The following CCSER1 variants were observed in gnomAD, a reference collection of about 807,000 sequenced individuals.
The protein encoded by CCSER1 is serine-rich coiled-coil domain-containing protein 1.
CCSER1 carries 41 observed loss-of-function variants against 82.0 expected under a neutral mutation model. The ratio of observed to expected loss-of-function variants is 0.50; its 90% CI spans 0.39 to 0.65. CCSER1 has a LOEUF of 0.65. Ranked by LOEUF, CCSER1 falls within the 30% of genes least tolerant of loss-of-function variation. The pLI, the probability that CCSER1 is intolerant of heterozygous loss-of-function variation, is 0.00. For synonymous variants in CCSER1, 414 were observed against 383.9 expected (o/e 1.08, Z -0.92); for missense variants, 1,119 against 1,064.2 (o/e 1.05, Z -0.72).
At chr4:91,474,959 G>A (rs1303197592) in intron 10 of CCSER1, among the ~76,000 whole-genome samples, 4 of 151,440 alleles carry the variant, frequency 2.6e-5, no homozygotes, top group African/African-American at 4.8e-5. Flanking sequence ...TATAAATTTT[G>A]TATAACATGT....
At chr4:90,932,116 C>T (rs1456793236) in intron 9 of CCSER1, among the ~76,000 whole-genome samples, 1 of 151,964 alleles carries the variant, frequency 6.6e-6, no homozygotes, top group Admixed American at 6.6e-5. Context: ...AATAAGAATA[C>T]CAGGAAATTT....
intron 10 of CCSER1, among the ~76,000 whole-genome samples, chr4:91,166,716 G>A (rs1732119212): frequency 6.9e-6 from 1 of 144,824 alleles, no homozygotes; most frequent in East Asian, 1.9e-4. Context: ...TAGTGAAAAT[G>A]TAGTTGTTGT....
intron 10 of CCSER1, among the ~76,000 whole-genome samples, chr4:91,119,368 A>T (rs1363228265): frequency 1.3e-5 from 2 of 151,972 alleles, no homozygotes; most frequent in Non-Finnish European, 1.5e-5. Flanking sequence ...TATATATATA[A>T]AATATATCTA....
At chr4:91,147,618 G>T (rs1729677127) in intron 10 of CCSER1, among the ~76,000 whole-genome samples, 1 of 152,204 alleles carries the variant, frequency 6.6e-6, no homozygotes, top group South Asian at 2.1e-4. Context: ...TTGGAGCCAG[G>T]TCTACAGTTT....
chr4:90,399,966 T>G (rs1752575645), intron 3 of CCSER1, 70 bp from the exon 4 acceptor site: 2 of 778,678 alleles, frequency 2.6e-6, no homozygotes, highest in Admixed American at 4.9e-5. Context: ...CTTCACGGCT[T>G]CCACATATGA....
Position 91,176,326 on chromosome 4 carries a change from T to G in CCSER1, c.2217+90332T>G, listed in dbSNP as rs561234025. Among the ~76,000 whole-genome samples the G allele has an allele frequency of 4.6e-5, 7 of 152,334 alleles. No individual in the cohort carries two copies. The East Asian group carries it at 1.2e-3, about 25-fold the overall frequency. ...ATGTGGTCTCTTTTTTGGTTCCATA[T>G]GTACTTTGAAGTATTTTTTTCCAAT... On this transcript the variant is annotated intron_variant, in intron 10 of 10. Transcript: ENST00000509176.
Position 91,598,711 on chromosome 4 carries a change from CAA to C in CCSER1, c.2358_2359del (p.Cys789PhefsTer3). On this transcript the variant is annotated frameshift_variant, in exon 11 of 11. Transcript: ENST00000509176. LOFTEE classifies it high-confidence loss of function. The stretch of plus-strand genomic sequence containing the variant: ...TACAAAAACAAGACCTGTCAACTCC[CAA>C]GTCTCTGTTTAAGTAATTTCCTGAA... 6.4e-7 allele frequency: 1 copy of C among 1,551,496 alleles called. No individual in the cohort carries two copies. The highest frequency in any genetic ancestry group is 8.7e-7 in the Non-Finnish European group (1 of 1,146,916).
At chr4:90,505,186 G>T (rs1185835719) in intron 5 of CCSER1, among the ~76,000 whole-genome samples, 1 of 152,194 alleles carries the variant, frequency 6.6e-6, no homozygotes, top group Non-Finnish European at 1.5e-5. Context: ...CCAGTTATTA[G>T]AAATGAACGA....
intron 5 of CCSER1, among the ~76,000 whole-genome samples, chr4:90,479,358 T>A (rs1765558786): frequency 6.6e-6 from 1 of 152,160 alleles, no homozygotes; most frequent in South Asian, 2.1e-4. Context: ...ATTAGTGTCA[T>A]TATTCATTTT....
chr4:90,710,596 C>A (rs913919491), intron 6 of CCSER1, among the ~76,000 whole-genome samples: 1 of 152,060 alleles, frequency 6.6e-6, no homozygotes, highest in Non-Finnish European at 1.5e-5. Flanking sequence ...AGTCCTTTCC[C>A]CATTACTTGT....
chr4:90,612,879 G>A (rs1720517952), intron 5 of CCSER1, among the ~76,000 whole-genome samples: 2 of 152,158 alleles, frequency 1.3e-5, no homozygotes, highest in Non-Finnish European at 2.9e-5. Context: ...GGTCAGAGTG[G>A]TGAGGGCCAG....
At chr4:90,966,603 T>G (rs1336223406) in intron 9 of CCSER1, among the ~76,000 whole-genome samples, 2 of 152,116 alleles carry the variant, frequency 1.3e-5, no homozygotes, top group African/African-American at 4.8e-5. Flanking sequence ...AGAAAGTCCT[T>G]CAGACTGAAA....
At chr4:90,551,006 A>G (rs1777410586) in intron 5 of CCSER1, among the ~76,000 whole-genome samples, 1 of 152,166 alleles carries the variant, frequency 6.6e-6, no homozygotes, top group Non-Finnish European at 1.5e-5. Flanking sequence ...GATCATCATC[A>G]TAAGTGTGAC....
At chr4:90,574,467 A>C (rs1579248610) in intron 5 of CCSER1, among the ~76,000 whole-genome samples, 1 of 150,348 alleles carries the variant, frequency 6.7e-6, no homozygotes, top group Non-Finnish European at 1.5e-5. Context: ...ACGGGGTTTC[A>C]CCTTGTTAGC....
chr4:90,359,871 ATATGTGTG>A (rs1745009870), intron 3 of CCSER1, among the ~76,000 whole-genome samples: 1 of 111,852 alleles, frequency 8.9e-6, no homozygotes, highest in African/African-American at 3.9e-5. Context: ...ATGTGTATAT[ATATGTGTG>A]TATATATATG....
At chr4:91,119,121 C>T (rs992255628) in intron 10 of CCSER1, among the ~76,000 whole-genome samples, 1 of 152,136 alleles carries the variant, frequency 6.6e-6, no homozygotes, top group African/African-American at 2.4e-5. Context: ...TCCCATAATA[C>T]ATTTGCCCTG....
intron 10 of CCSER1, among the ~76,000 whole-genome samples, chr4:91,166,337 G>A (rs1732073167): frequency 1.3e-5 from 2 of 152,110 alleles, no homozygotes; most frequent in South Asian, 2.1e-4. Context: ...CTATGTGTCA[G>A]TCACTGTACT....
intron 9 of CCSER1, 192 bp downstream of exon 9, chr4:90,923,639 CATACCA>C (rs778439667): frequency 2.3e-5 from 11 of 480,292 alleles, no homozygotes; most frequent in Admixed American, 3.6e-5. Context: ...CACCAACTGG[CATACCA>C]ATGCCTTATT....
At chr4:91,294,107 G>T (rs1361941232) in intron 10 of CCSER1, among the ~76,000 whole-genome samples, 1 of 151,846 alleles carries the variant, frequency 6.6e-6, no homozygotes, top group African/African-American at 2.4e-5. Context: ...TGAAAATTGT[G>T]TGTCTGACTT....
Sources: gnomAD v4.1 joint callset for allele counts (sites outside exome capture counted in the v4.1 genomes callset) on GRCh38, gnomAD v4.1.1 for gene constraint, MANE v1.5 for transcripts, NCBI Gene and HGNC (gene_info 2026-07-23, HGNC 2026-07-21) for gene names.